Variants in GRK1 observed in about 807,000 individuals in gnomAD.
The protein encoded by GRK1 is rhodopsin kinase GRK1.
GRK1 carries 28 observed loss-of-function variants against 41.7 expected under a neutral mutation model. The observed-to-expected ratio is 0.67, with a 90% confidence interval of 0.50 to 0.92. The LOEUF (loss-of-function observed/expected upper bound fraction) is 0.92, where lower values mean the gene tolerates loss of function less well. Ranked by LOEUF, GRK1 falls within the 40% of genes least tolerant of loss-of-function variation. The probability of loss-of-function intolerance (pLI) is 0.00; values close to 1 mark genes in which losing one functional copy is unlikely to be tolerated. For synonymous variants in GRK1, 327 were observed against 286.7 expected (o/e 1.14, Z -1.42); for missense variants, 703 against 671.2 (o/e 1.05, Z -0.52).
Position 113,667,850 on chromosome 13 carries a change from C to T in GRK1, c.464C>T (p.Ala155Val), listed in dbSNP as rs370154123. 16 of 1,587,134 alleles carry T rather than the reference C, an allele frequency of 1.0e-5. No individual in the cohort carries two copies. Among genetic ancestry groups the T allele is most frequent in the Admixed American group, 5.3e-5 (3 of 56,696 alleles). Residue 155 changes from alanine (A) to valine (V), a missense_variant, in exon 1 of 7, where the codon GCA becomes GTA. By Grantham distance (64) the Ala-to-Val change is moderately conservative. Coordinates refer to ENST00000335678, the MANE Select transcript of GRK1 (RefSeq NM_002929.3). This position sits in a 1 kb window ranked among gnomAD's most constrained non-coding sequence, Gnocchi z 7.5. The stretch of plus-strand genomic sequence containing the variant: ...CAGCCCCTGCTGCAGGCCACCCTGG[C>T]ACACCTGGGCCAAGCCCCCTTCCAG... ...LFQPLLQATL[A>V]HLGQAPFQEY...
At chr13:113,654,918 GCCAC>G in the GRK1 span, 11 of 1,614,198 alleles carry the variant, frequency 6.8e-6, no homozygotes, top group South Asian at 1.2e-4. Context: ...CACGTAGAAG[GCCAC>G]GTAGTACAGG....
chr13:113,652,720 G>C, the GRK1 span: 1 of 830,498 alleles, frequency 1.2e-6, no homozygotes, highest in Admixed American at 2.0e-5. Flanking sequence ...GGACAGGTGC[G>C]TGCCAAACCA....
At chr13:113,652,274 T>G in the GRK1 span, among the ~76,000 whole-genome samples, 1 of 152,194 alleles carries the variant, frequency 6.6e-6, no homozygotes, top group African/African-American at 2.4e-5. Context: ...ATGCCGGCAG[T>G]GCTGAGACCC....
chr13:113,725,294 C>T (rs1278380777), intron 4 of GRK1, among the ~76,000 whole-genome samples: 3 of 150,154 alleles, frequency 2.0e-5, no homozygotes, highest in Non-Finnish European at 1.5e-5. Flanking sequence ...CGGTCATGCG[C>T]GGTCCTAGTT....
chr13:113,668,877 C>T (rs111505608), intron 1 of GRK1, among the ~76,000 whole-genome samples: 2,428 of 152,344 alleles, frequency 0.016, 59 homozygotes, highest in African/African-American at 0.051. Flanking sequence ...CCTGGCTCTG[C>T]GGAACCTCAA....
Position 113,671,746 on chromosome 13 carries a change from CT to C in GRK1, c.985+91del. On this transcript the variant is annotated intron_variant, in intron 3 of 6. Transcript: ENST00000335678. The surrounding 1 kb of genome is among the most constrained non-coding windows in gnomAD (Gnocchi z 4.1). ...GGGTCTCTGCACAACCTCACGAGGG[CT>C]GACGGCTGTGTGGACGGTGGGGGTT... The C allele has an allele frequency of 1.4e-6, 1 of 691,970 alleles. No individual in the cohort carries two copies. The highest frequency in any genetic ancestry group is 1.8e-5 in the African/African-American group (1 of 57,062). 42.9% of individuals were successfully genotyped at this position (691,970 alleles called of 1,614,324 possible).
At chr13:113,648,484 G>C in the GRK1 span, among the ~76,000 whole-genome samples, 11 of 152,334 alleles carry the variant, frequency 7.2e-5, no homozygotes, top group South Asian at 1.9e-3. Context: ...ATGAAACTGG[G>C]ACCCAGGCCT....
At position 113,731,422 on chromosome 13, in the gene GRK1, G is replaced by A. The variant is rs557991791; in HGVS notation, c.1194+79G>A. ...ATGGGGACGGGGCAGTGATGGGATC[G>A]TTACTGGGGCAGACCTGGGAGTTGT... On this transcript the variant is annotated intron_variant, in intron 5 of 6. Transcript: ENST00000335678. The surrounding 1 kb of genome is among the most constrained non-coding windows in gnomAD (Gnocchi z 5.6). The A allele has an allele frequency of 3.6e-3, 5,526 of 1,516,626 alleles. 14 individuals are homozygous for A. The highest frequency in any genetic ancestry group is 4.3e-3 in the Non-Finnish European group (4,914 of 1,134,080). The allele number at this position is 1,516,626 out of a possible 1,614,324, so 93.9% of individuals were successfully genotyped here.
chr13:113,652,394 A>T, the GRK1 span, among the ~76,000 whole-genome samples: 1 of 152,204 alleles, frequency 6.6e-6, no homozygotes, highest in Non-Finnish European at 1.5e-5. Context: ...TGATTGGTCC[A>T]TGGAGTGGTG....
intron 6 of GRK1, among the ~76,000 whole-genome samples, chr13:113,733,774 CAT>C (rs2049966653): frequency 1.9e-5 from 2 of 102,656 alleles, no homozygotes; most frequent in Non-Finnish European, 3.9e-5. Flanking sequence ...TATGTGTGTG[CAT>C]ACGTGTGTGC....
chr13:113,729,942 C>A (rs2049922389), intron 4 of GRK1, among the ~76,000 whole-genome samples: 1 of 150,228 alleles, frequency 6.7e-6, no homozygotes, highest in South Asian at 2.1e-4. Flanking sequence ...CAAGACAGTC[C>A]CCGCGGCTGC....
intron 6 of GRK1, among the ~76,000 whole-genome samples, chr13:113,733,735 GTA>G (rs1404053879): frequency 6.8e-4 from 82 of 121,140 alleles, no homozygotes; most frequent in Middle Eastern, 5.2e-3. Flanking sequence ...GCGCGCGTGT[GTA>G]TGTGTGCATA....
At position 113,737,108 on chromosome 13, in the gene GRK1, G is replaced by A. The variant is rs1409920366; in HGVS notation, c.*1745G>A. ...TTCCTGTTGGGGAGAAGAGGACCCT[G>A]GCAATCCACAATTTTGGAGATTTGC... On this transcript the variant is annotated 3_prime_UTR_variant, in exon 7 of 7. Coordinates refer to ENST00000335678, the MANE Select transcript of GRK1 (RefSeq NM_002929.3). 6.6e-6 allele frequency: 1 copy of A among 152,622 alleles called. No homozygotes were observed. The highest frequency in any genetic ancestry group is 1.5e-5 in the Non-Finnish European group (1 of 68,276). 9.5% of individuals were successfully genotyped at this position (152,622 alleles called of 1,614,324 possible).
intron 6 of GRK1, chr13:113,734,536 G>T (rs1361459872): frequency 6.6e-6 from 1 of 152,450 alleles, no homozygotes; most frequent in African/African-American, 2.4e-5. Flanking sequence ...CCGGGTCAGG[G>T]TCGGTGCACC....
At position 113,667,295 on chromosome 13, in the gene GRK1, G is replaced by C; in HGVS notation, c.-92G>C. ...AGGGCAGGGACGGGCCACAGGCCAAGGGCAGCAGTCAGGCCTGCTCTGTCT... is the reference window on the plus strand; with the variant it reads ...AGGGCAGGGACGGGCCACAGGCCAACGGCAGCAGTCAGGCCTGCTCTGTCT... On this transcript the variant is annotated 5_prime_UTR_variant, in exon 1 of 7. Coordinates refer to ENST00000335678, the MANE Select transcript of GRK1 (RefSeq NM_002929.3). The surrounding 1 kb of genome is among the most constrained non-coding windows in gnomAD (Gnocchi z 7.5). 1 of 1,259,790 alleles carries C rather than the reference G, an allele frequency of 7.9e-7. No homozygotes were observed. The highest frequency in any genetic ancestry group is 1.1e-6 in the Non-Finnish European group (1 of 927,410). 78.0% of individuals were successfully genotyped at this position (1,259,790 alleles called of 1,614,324 possible). A position where few individuals can be genotyped will look rare whatever the true frequency, so the allele number is the denominator to read the frequency against.
chr13:113,653,002 G>A, the GRK1 span: 3 of 1,614,162 alleles, frequency 1.9e-6, no homozygotes, highest in East Asian at 4.5e-5. Context: ...TGGGAGCGCG[G>A]AAACTCTCCT....
the GRK1 span, among the ~76,000 whole-genome samples, chr13:113,656,726 CTA>C: frequency 2.0e-5 from 3 of 152,310 alleles, no homozygotes; most frequent in South Asian, 6.2e-4. Flanking sequence ...TCCTGGGGCC[CTA>C]AGACTTTCTT....
chr13:113,657,263 G>A, the GRK1 span, among the ~76,000 whole-genome samples: 4 of 152,178 alleles, frequency 2.6e-5, no homozygotes, highest in Admixed American at 2.0e-4. Context: ...CCTGGGAGCC[G>A]GGGACGGCAC....
chr13:113,733,518 T>C (rs1020500215), intron 6 of GRK1, among the ~76,000 whole-genome samples: 5 of 149,126 alleles, frequency 3.4e-5, no homozygotes, highest in Admixed American at 1.3e-4. Flanking sequence ...CACGTGTGTG[T>C]GCATGTGTGC....
Sources: allele counts gnomAD v4.1 joint callset (sites outside exome capture counted in the v4.1 genomes callset), GRCh38; gene constraint gnomAD v4.1.1; non-coding constraint Gnocchi (gnomAD v3.1); transcripts MANE v1.5; gene names NCBI Gene and HGNC (gene_info 2026-07-23, HGNC 2026-07-21).